MAP4K5: variants seen among roughly 807,000 people sequenced by gnomAD.
The protein encoded by MAP4K5 is mitogen-activated protein kinase kinase kinase kinase 5.
Under a neutral mutation model 135.6 loss-of-function variants are expected in MAP4K5, and 82 were observed. The ratio of observed to expected loss-of-function variants is 0.60; its 90% CI spans 0.51 to 0.73. MAP4K5 has a LOEUF of 0.73. Among genes scored for constraint, MAP4K5 ranks in the 30% least tolerant of loss-of-function variants. The probability of loss-of-function intolerance (pLI) is 0.00; values close to 1 mark genes in which losing one functional copy is unlikely to be tolerated. For synonymous variants in MAP4K5, 347 were observed against 335.0 expected, an observed-to-expected ratio of 1.04 and a Z score of -0.39; for missense variants, 907 against 1,010.9, an observed-to-expected ratio of 0.90 and a Z score of 1.39.
At chr14:50,486,035 C>T (rs2037355446) in intron 4 of MAP4K5, 69 bp downstream of exon 4, 1 of 662,206 alleles carries the variant, frequency 1.5e-6, no homozygotes, top group Admixed American at 3.4e-5. Context: ...CACTTACATA[C>T]AAGGGAGAGA....
intron 13 of MAP4K5, among the ~76,000 whole-genome samples, chr14:50,459,495 T>C (rs1247292062): frequency 2.0e-5 from 3 of 152,192 alleles, no homozygotes; most frequent in Non-Finnish European, 4.4e-5. Flanking sequence ...GAACTCACCA[T>C]TCTGAAGTCA....
At chr14:50,458,056 G>T (rs1371657520) in intron 13 of MAP4K5, among the ~76,000 whole-genome samples, 2 of 152,072 alleles carry the variant, frequency 1.3e-5, no homozygotes, top group Non-Finnish European at 2.9e-5. Flanking sequence ...CTCCGACTTT[G>T]CCCACAAACA....
chr14:50,555,278 TTTTG>T (rs1003672815), intron 1 of MAP4K5, among the ~76,000 whole-genome samples: 4 of 124,262 alleles, frequency 3.2e-5, no homozygotes, highest in African/African-American at 1.2e-4. Context: ...TTTTGTTTTG[TTTTG>T]TTTGTTTGTT....
Position 50,539,277 on chromosome 14 carries a change from T to C in MAP4K5, c.-94+3222A>G, listed in dbSNP as rs576841182. 8.5e-5 allele frequency among the ~76,000 whole-genome samples: 13 copies of C among 152,294 alleles called. No homozygotes were observed. In the East Asian group the frequency reaches 2.1e-3, roughly 25 times the overall value. Reference sequence around the variant, plus strand: ...GGCACAACATTGAAAGATCAATCTCTAGCACTTAGCTGCTGTAACAGTGAG... The same window carrying C: ...GGCACAACATTGAAAGATCAATCTCCAGCACTTAGCTGCTGTAACAGTGAG... On this transcript the variant is annotated intron_variant, in intron 2 of 8. Coordinates refer to the MAP4K5 transcript ENST00000555216.
chr14:50,455,130 A>C (rs576539601), intron 14 of MAP4K5, among the ~76,000 whole-genome samples: 2 of 152,024 alleles, frequency 1.3e-5, no homozygotes, highest in Non-Finnish European at 2.9e-5. Flanking sequence ...ATTTTCAATA[A>C]ATAATGAAAC....
Position 50,423,104 on chromosome 14 carries a change from T to A in MAP4K5, c.2453+17A>T. On this transcript the variant is annotated intron_variant, in intron 32 of 32. Coordinates refer to ENST00000682126, the MANE Select transcript of MAP4K5 (RefSeq NM_006575.6). ...TGAACTCCTTTGGTAATTAAATTAA[T>A]ACAACCAAACTATTACCTGTCTGAT... The A allele has an allele frequency of 7.3e-7, 1 of 1,370,716 alleles. No homozygotes were observed. The highest frequency in any genetic ancestry group is 1.0e-6 in the Non-Finnish European group (1 of 974,062). 84.9% of individuals were successfully genotyped at this position (1,370,716 alleles called of 1,614,324 possible).
intron 26 of MAP4K5, among the ~76,000 whole-genome samples, chr14:50,436,988 CTA>C (rs566553334): frequency 2.7e-3 from 412 of 152,196 alleles, no homozygotes; most frequent in South Asian, 0.01. Context: ...GTAATCGTAA[CTA>C]TGAGTATAAC....
intron 10 of MAP4K5, among the ~76,000 whole-genome samples, chr14:50,468,215 A>G (rs2036875002): frequency 6.6e-6 from 1 of 152,320 alleles, no homozygotes; most frequent in South Asian, 2.1e-4. Flanking sequence ...ATAGGACAAA[A>G]AAAAAGATCA....
chr14:50,444,212 C>T (rs965956091), intron 18 of MAP4K5, among the ~76,000 whole-genome samples, 176 bp from the exon 19 acceptor site: 1 of 152,098 alleles, frequency 6.6e-6, no homozygotes, highest in African/African-American at 2.4e-5. Flanking sequence ...ATAGAGGTAG[C>T]ATTGCATCTT....
intron 1 of MAP4K5, among the ~76,000 whole-genome samples, chr14:50,545,672 C>T (rs1475163196): frequency 6.6e-6 from 1 of 152,102 alleles, no homozygotes. Context: ...AAGGGAGGAG[C>T]TGCAGTTAGA....
rs185944738 is a variant in MAP4K5, at chr14:50,522,930, A to C, written c.108+9012T>G. 6.2e-3 allele frequency among the ~76,000 whole-genome samples: 952 copies of C among 152,348 alleles called. 22 individuals carry two copies. The highest frequency in any genetic ancestry group is 5.4e-3 in the Non-Finnish European group (365 of 68,030). ...ATACTGGTGGAGAGAAGACATAAGA[A>C]ACAGCTACATTTTCTTTGCTTACAA... On this transcript the variant is annotated intron_variant, in intron 2 of 32. Coordinates refer to ENST00000682126, the MANE Select transcript of MAP4K5 (RefSeq NM_006575.6).
chr14:50,522,777 C>A (rs1327563189), intron 2 of MAP4K5, among the ~76,000 whole-genome samples: 3 of 151,906 alleles, frequency 2.0e-5, no homozygotes, highest in South Asian at 2.1e-4. Context: ...GTGTTACTAT[C>A]AAAAAATAAG....
chr14:50,451,815 T>C lies in MAP4K5; in HGVS notation c.1016-2983A>G, dbSNP rs2036493618. On this transcript the variant is annotated intron_variant, in intron 14 of 32. Coordinates refer to ENST00000682126, the MANE Select transcript of MAP4K5 (RefSeq NM_006575.6). ...CGTGTCTTGAGTTTGCGCTTCCTAC[T>C]TGGGAAATCTGTGATTACTTCTCTG... Among the ~76,000 whole-genome samples the C allele has an allele frequency of 2.0e-5, 3 of 152,210 alleles. No homozygotes were observed. The South Asian group carries it at 6.2e-4, about 32-fold the overall frequency.
chr14:50,530,259 A>T (rs561996680), intron 2 of MAP4K5, among the ~76,000 whole-genome samples: 14 of 152,284 alleles, frequency 9.2e-5, no homozygotes, highest in African/African-American at 3.1e-4. Context: ...GCACCAGGGT[A>T]AAAGGCAGGC....
chr14:50,530,017 A>C (rs1434548967), intron 2 of MAP4K5, among the ~76,000 whole-genome samples: 1 of 152,204 alleles, frequency 6.6e-6, no homozygotes, highest in Non-Finnish European at 1.5e-5. Context: ...TAATTAGAAC[A>C]AAGGAAAACA....
At chr14:50,478,758 T>C (rs1216230853) in intron 6 of MAP4K5, among the ~76,000 whole-genome samples, 1 of 152,128 alleles carries the variant, frequency 6.6e-6, no homozygotes, top group Non-Finnish European at 1.5e-5. Context: ...GTTCTTTCAG[T>C]GTTTGTAAGT....
At position 50,444,951 on chromosome 14, in the gene MAP4K5, C is replaced by G. The variant is rs927136893; in HGVS notation, c.1339+90G>C. The stretch of plus-strand genomic sequence containing the variant: ...TATTTTTTGAAATAGGAACAAATGA[C>G]TCTCATTTCAGTTTTCACTTTGATT... On this transcript the variant is annotated intron_variant, in intron 18 of 32. Coordinates refer to ENST00000682126, the MANE Select transcript of MAP4K5 (RefSeq NM_006575.6). 8 of 1,317,130 alleles carry G rather than the reference C, an allele frequency of 6.1e-6. No homozygotes were observed. The Admixed American group carries it at 9.9e-5, about 16-fold the overall frequency. The allele number at this position is 1,317,130 out of a possible 1,614,324, so 81.6% of individuals were successfully genotyped here.
At chr14:50,525,400 C>A (rs2038241699) in intron 2 of MAP4K5, among the ~76,000 whole-genome samples, 4 of 152,176 alleles carry the variant, frequency 2.6e-5, no homozygotes, top group Admixed American at 2.6e-4. Context: ...TCAAATCCAT[C>A]CCTTCCTTTC....
chr14:50,537,661 C>T lies in MAP4K5; in HGVS notation c.-94+4838G>A, dbSNP rs553837561. ...TGCCCAAGACCATGGGAACCAACCTCTTGCATCAGCATGACTTAGATGTGA... is the reference window on the plus strand; with the variant it reads ...TGCCCAAGACCATGGGAACCAACCTTTTGCATCAGCATGACTTAGATGTGA... On this transcript the variant is annotated intron_variant, in intron 2 of 8. Coordinates refer to the MAP4K5 transcript ENST00000555216. 3.9e-5 allele frequency among the ~76,000 whole-genome samples: 6 copies of T among 152,372 alleles called. No homozygotes were observed. The South Asian group carries it at 8.3e-4, about 21-fold the overall frequency.
Sources: gnomAD v4.1 joint callset for allele counts (sites outside exome capture counted in the v4.1 genomes callset) on GRCh38, gnomAD v4.1.1 for gene constraint, MANE v1.5 for transcripts, NCBI Gene and HGNC (gene_info 2026-07-23, HGNC 2026-07-21) for gene names.